Variants in ELMOD1 observed in about 807,000 individuals in gnomAD.
ELMOD1 encodes ELMO domain containing 1, also known as ELMO domain-containing protein 1.
In ELMOD1, 21 loss-of-function variants were observed where a neutral mutation model predicts 46.7. That is an observed-to-expected ratio of 0.45 (90% confidence interval 0.32 to 0.65). The LOEUF (loss-of-function observed/expected upper bound fraction) is 0.65. Ranked by LOEUF, ELMOD1 falls within the 30% of genes least tolerant of loss-of-function variation. The pLI is 0.04. For missense variants in ELMOD1, 348 were observed against 407.8 expected, an observed-to-expected ratio of 0.85 and a Z score of 1.26; for synonymous variants, 122 against 138.2, an observed-to-expected ratio of 0.88 and a Z score of 0.82.
chr11:107,647,760 G>GTGTC (rs1473400775), intron 7 of ELMOD1, among the ~76,000 whole-genome samples, 159 bp downstream of exon 7: 1 of 152,156 alleles, frequency 6.6e-6, no homozygotes, highest in East Asian at 1.9e-4. Context: ...AATGTTAAAA[G>GTGTC]TGTCTGCTAC....
At chr11:107,636,288 G>A (rs1379809243) in intron 6 of ELMOD1, among the ~76,000 whole-genome samples, 1 of 152,190 alleles carries the variant, frequency 6.6e-6, no homozygotes, top group Non-Finnish European at 1.5e-5. Flanking sequence ...GAGAAATAAT[G>A]TGGAGTTATG....
chr11:107,602,641 TATA>T (rs1357987190), intron 1 of ELMOD1, among the ~76,000 whole-genome samples: 2 of 152,124 alleles, frequency 1.3e-5, no homozygotes, highest in African/African-American at 2.4e-5. Flanking sequence ...ATTTAATGAG[TATA>T]ATATTTTTCT....
rs1180999117 is a variant in ELMOD1, at chr11:107,665,284, A to G, written c.*87A>G. 7.4e-7 allele frequency: 1 copy of G among 1,349,462 alleles called. No individual in the cohort carries two copies. Among genetic ancestry groups the G allele is most frequent in the Non-Finnish European group, 1.0e-6 (1 of 970,840 alleles). The allele number at this position is 1,349,462 out of a possible 1,614,324, so 83.6% of individuals were successfully genotyped here. On this transcript the variant is annotated 3_prime_UTR_variant, in exon 12 of 12. Transcript: ENST00000265840. Reference sequence around the variant, plus strand: ...GCTTAGGTCGCAGCTCACGCATTGAATGCACACAGTGATTGTATGCATGCC... The same window carrying G: ...GCTTAGGTCGCAGCTCACGCATTGAGTGCACACAGTGATTGTATGCATGCC...
At chr11:107,592,213 C>T (rs1407645917) in intron 1 of ELMOD1, 5 of 398,218 alleles carry the variant, frequency 1.3e-5, no homozygotes, top group Non-Finnish European at 2.6e-5. Flanking sequence ...GGAACGACCT[C>T]ACGGGCTCAC....
intron 5 of ELMOD1, among the ~76,000 whole-genome samples, chr11:107,633,344 C>A (rs191465947): frequency 6.6e-6 from 1 of 152,318 alleles, no homozygotes; most frequent in East Asian, 1.9e-4. Context: ...CAAACTGTTA[C>A]TACTATTAAC....
chr11:107,615,583 C>T (rs1865848598), intron 1 of ELMOD1, among the ~76,000 whole-genome samples: 1 of 152,088 alleles, frequency 6.6e-6, no homozygotes, highest in African/African-American at 2.4e-5. Context: ...ACTAATGGAC[C>T]AATACTGATA....
rs1021195118 is a variant in ELMOD1 at position 107,665,532 on chromosome 11, G to C, written c.*335G>C. 9.8e-6 allele frequency: 2 copies of C among 204,860 alleles called. No individual in the cohort carries two copies. The highest frequency in any genetic ancestry group is 1.1e-4 in the Admixed American group (2 of 18,660). The allele number at this position is 204,860 out of a possible 1,614,324, so 12.7% of individuals were successfully genotyped here. A position where few individuals can be genotyped will look rare whatever the true frequency, so the allele number is the denominator to read the frequency against. ...AATTGTATTTCTCTAGCTGTATTTT[G>C]TATGTAAGAGGTTTAGCTGAATCTC... On this transcript the variant is annotated 3_prime_UTR_variant, in exon 12 of 12. Coordinates refer to ENST00000265840, the MANE Select transcript of ELMOD1 (RefSeq NM_018712.4).
chr11:107,625,481 A>G lies in ELMOD1; in HGVS notation c.18-4936A>G, dbSNP rs1028432170. On this transcript the variant is annotated intron_variant, in intron 2 of 11. Coordinates refer to ENST00000265840, the MANE Select transcript of ELMOD1 (RefSeq NM_018712.4). ...GCCACTTTTCTCTTACTGTTCCAAAAGAAGACGTCAGAGTCACAAATTTAG... is the reference window on the plus strand; with the variant it reads ...GCCACTTTTCTCTTACTGTTCCAAAGGAAGACGTCAGAGTCACAAATTTAG... The G allele has an allele frequency of 9.1e-6, 9 of 985,324 alleles. No homozygotes were observed. The African/African-American group carries it at 1.2e-4, about 13-fold the overall frequency. 61.0% of individuals were successfully genotyped at this position (985,324 alleles called of 1,614,324 possible). A position where few individuals can be genotyped will look rare whatever the true frequency, so the allele number is the denominator to read the frequency against.
chr11:107,654,058 T>C (rs1866576485), intron 9 of ELMOD1, 114 bp from the exon 10 acceptor site: 2 of 826,350 alleles, frequency 2.4e-6, no homozygotes, highest in Non-Finnish European at 3.9e-6. Context: ...GTTGGATAAT[T>C]GAGCTACAGA....
chr11:107,611,153 C>T (rs1047056245), intron 1 of ELMOD1, among the ~76,000 whole-genome samples: 78 of 152,096 alleles, frequency 5.1e-4, no homozygotes, highest in African/African-American at 1.9e-3. Context: ...GCAAAAGAAA[C>T]TATCAACAGA....
chr11:107,646,943 A>AATCTATCTATCT (rs10536920), intron 6 of ELMOD1, among the ~76,000 whole-genome samples: 344 of 148,080 alleles, frequency 2.3e-3, no homozygotes, highest in South Asian at 4.6e-3. Flanking sequence ...TTATCTATCT[A>AATCTATCTATCT]ATCTATCTAT....
intron 11 of ELMOD1, among the ~76,000 whole-genome samples, chr11:107,662,368 T>C (rs1038232130): frequency 5.3e-5 from 8 of 152,154 alleles, no homozygotes; most frequent in African/African-American, 1.7e-4. Context: ...CCCAGCATTT[T>C]GGGAGGCTGA....
intron 6 of ELMOD1, among the ~76,000 whole-genome samples, chr11:107,639,872 A>G (rs905826432): frequency 9.2e-5 from 14 of 152,118 alleles, no homozygotes; most frequent in African/African-American, 3.4e-4. Flanking sequence ...GCCCACCACC[A>G]TTTCTCAGAT....
At chr11:107,607,209 C>T (rs1865700068) in intron 1 of ELMOD1, among the ~76,000 whole-genome samples, 1 of 152,124 alleles carries the variant, frequency 6.6e-6, no homozygotes, top group South Asian at 2.1e-4. Context: ...TCATCAGACT[C>T]TAGAAGGGCC....
At chr11:107,643,577 T>G (rs1866364384) in intron 6 of ELMOD1, 1 of 521,748 alleles carries the variant, frequency 1.9e-6, no homozygotes, top group East Asian at 5.5e-5. Context: ...AAAACTCCAT[T>G]GTTCAGTTGC....
At chr11:107,644,607 TG>T (rs1866386444) in intron 6 of ELMOD1, among the ~76,000 whole-genome samples, 1 of 151,866 alleles carries the variant, frequency 6.6e-6, no homozygotes. Context: ...CCCGAGTAGC[TG>T]GGACTACAGG....
At chr11:107,612,329 G>T (rs1237655385) in intron 1 of ELMOD1, among the ~76,000 whole-genome samples, 2 of 152,088 alleles carry the variant, frequency 1.3e-5, no homozygotes, top group Non-Finnish European at 2.9e-5. Flanking sequence ...CATAAAGATG[G>T]CAACAATAGA....
intron 1 of ELMOD1, among the ~76,000 whole-genome samples, chr11:107,616,719 T>A (rs1865869726): frequency 6.6e-6 from 1 of 152,224 alleles, no homozygotes; most frequent in East Asian, 1.9e-4. Flanking sequence ...CGTCAATTAT[T>A]TGACCATTGG....
chr11:107,640,715 A>G (rs1324792504), intron 6 of ELMOD1, among the ~76,000 whole-genome samples: 1 of 152,222 alleles, frequency 6.6e-6, no homozygotes, highest in Non-Finnish European at 1.5e-5. Flanking sequence ...CAACATGTAC[A>G]ATTTTTTGAC....
Sources: allele counts gnomAD v4.1 joint callset (sites outside exome capture counted in the v4.1 genomes callset), GRCh38; gene constraint gnomAD v4.1.1; transcripts MANE v1.5; gene names NCBI Gene and HGNC (gene_info 2026-07-23, HGNC 2026-07-21).